JADE1: variants seen among roughly 807,000 people sequenced by gnomAD.
JADE1 encodes jade family PHD finger 1.
JADE1 carries 14 observed loss-of-function variants against 81.8 expected under a neutral mutation model. The observed-to-expected ratio is 0.17, with a 90% CI of 0.11 to 0.27. The LOEUF (loss-of-function observed/expected upper bound fraction) is 0.27. Among genes scored for constraint, JADE1 ranks in the 10% least tolerant of loss-of-function variants. The pLI is 1.00. For missense variants in JADE1, 690 were observed against 1,047.9 expected, an observed-to-expected ratio of 0.66 and a Z score of 4.71; for synonymous variants, 353 against 391.9, an observed-to-expected ratio of 0.90 and a Z score of 1.17.
At chr4:128,810,263 G>C (rs1398716110) in intron 1 of JADE1, 1 of 151,916 alleles carries the variant, frequency 6.6e-6, no homozygotes, top group Non-Finnish European at 1.5e-5. Flanking sequence ...ATGATTTTTG[G>C]ATCCTGAGAA....
chr4:128,860,536 C>T (rs1731232747), intron 8 of JADE1, among the ~76,000 whole-genome samples: 1 of 152,222 alleles, frequency 6.6e-6, no homozygotes, highest in Non-Finnish European at 1.5e-5. Flanking sequence ...CCGCTGGATT[C>T]TACAGCTCTG....
intron 1 of JADE1, among the ~76,000 whole-genome samples, chr4:128,813,085 G>C (rs912932903): frequency 1.3e-5 from 2 of 152,204 alleles, no homozygotes; most frequent in African/African-American, 4.8e-5. Flanking sequence ...TTTTAAGATA[G>C]AGGGAAATTA....
intron 8 of JADE1, among the ~76,000 whole-genome samples, chr4:128,860,568 G>T (rs1419627517): frequency 1.3e-5 from 2 of 152,208 alleles, no homozygotes; most frequent in African/African-American, 4.8e-5. Context: ...GCATGCCCCG[G>T]TGATCACTTG....
chr4:128,827,780 C>G, intron 1 of JADE1: 1 of 667,360 alleles, frequency 1.5e-6, no homozygotes, highest in Non-Finnish European at 1.9e-6. Context: ...GGCAAACCCA[C>G]AGGGCATATG....
intron 2 of JADE1, among the ~76,000 whole-genome samples, chr4:128,838,612 GCTGTAGTATAAATCA>G (rs1729180981): frequency 6.6e-6 from 1 of 152,200 alleles, no homozygotes; most frequent in Non-Finnish European, 1.5e-5. Context: ...GTGATGTTTT[GCTGTAGTATAAATCA>G]CTGACTCCTG....
At chr4:128,863,448 C>G (rs1367310127) in intron 9 of JADE1, 1 of 984,186 alleles carries the variant, frequency 1.0e-6, no homozygotes, top group African/African-American at 1.8e-5. Context: ...CCAAAAAAGC[C>G]TGATCTCATG....
intron 9 of JADE1, chr4:128,862,715 G>C: frequency 9.9e-7 from 1 of 1,006,798 alleles, no homozygotes; most frequent in Non-Finnish European, 1.2e-6. Context: ...AGGAAGCTAA[G>C]CACGGCTGCT....
intron 2 of JADE1, among the ~76,000 whole-genome samples, chr4:128,835,769 C>T (rs909578112): frequency 5.3e-5 from 8 of 152,260 alleles, no homozygotes; most frequent in Non-Finnish European, 8.8e-5. Flanking sequence ...GGCTGCAGCA[C>T]GAGCCACAGC....
chr4:128,863,521 A>G, intron 9 of JADE1: 1 of 985,312 alleles, frequency 1.0e-6, no homozygotes. Context: ...AGCATTAGAG[A>G]TCCTTTTAAT....
rs1732378857 is a variant in JADE1 at position 128,873,779 on chromosome 4, T to C, written c.*1517T>C. On this transcript the variant is annotated 3_prime_UTR_variant, in exon 11 of 11. Transcript: ENST00000226319. ...ATTCATTTATACATCTGTTTCCATA[T>C]GGCAGGGACATTATGATACTTAATG... 2 of 152,566 alleles carry C rather than the reference T, an allele frequency of 1.3e-5. No homozygotes were observed. The highest frequency in any genetic ancestry group is 2.1e-4 in the South Asian group (1 of 4,838). 9.5% of individuals were successfully genotyped at this position (152,566 alleles called of 1,614,324 possible).
intron 8 of JADE1, among the ~76,000 whole-genome samples, chr4:128,859,744 G>T (rs1366721704): frequency 6.6e-6 from 1 of 152,178 alleles, no homozygotes; most frequent in Admixed American, 6.5e-5. Context: ...AGAGGTGGGC[G>T]AATGGGATCT....
intron 2 of JADE1, among the ~76,000 whole-genome samples, chr4:128,833,633 G>T (rs1361193180): frequency 6.6e-6 from 1 of 152,194 alleles, no homozygotes; most frequent in Non-Finnish European, 1.5e-5. Flanking sequence ...GACGGAGGTT[G>T]CAGTGAGCCG....
At chr4:128,812,353 C>T (rs1726520143) in intron 1 of JADE1, among the ~76,000 whole-genome samples, 1 of 151,330 alleles carries the variant, frequency 6.6e-6, no homozygotes, top group South Asian at 2.1e-4. Flanking sequence ...CCGCGCGGAA[C>T]CGCGGCCCTG....
At chr4:128,866,886 A>C (rs1010709959) in intron 9 of JADE1, among the ~76,000 whole-genome samples, 3 of 152,222 alleles carry the variant, frequency 2.0e-5, no homozygotes, top group African/African-American at 7.2e-5. Context: ...CTGTGTTTGC[A>C]GGTCCGTGTA....
chr4:128,863,430 A>G (rs935637564), intron 9 of JADE1: 3 of 984,310 alleles, frequency 3.0e-6, no homozygotes, highest in African/African-American at 3.5e-5. Flanking sequence ...GACCTGGGAA[A>G]CACTGGACCA....
chr4:128,822,634 G>T (rs544293695), intron 1 of JADE1, among the ~76,000 whole-genome samples: 1 of 151,844 alleles, frequency 6.6e-6, no homozygotes, highest in Non-Finnish European at 1.5e-5. Context: ...CAGGAGAATC[G>T]CTTGAACCTG....
chr4:128,835,061 G>C (rs1432396779), intron 2 of JADE1, among the ~76,000 whole-genome samples: 1 of 152,130 alleles, frequency 6.6e-6, no homozygotes, highest in African/African-American at 2.4e-5. Context: ...CACCAAAAGT[G>C]TGTCTGTCAA....
At chr4:128,841,812 G>A (rs1729458843) in intron 2 of JADE1, among the ~76,000 whole-genome samples, 1 of 152,116 alleles carries the variant, frequency 6.6e-6, no homozygotes, top group Non-Finnish European at 1.5e-5. Flanking sequence ...CCATGTTGAT[G>A]GGGTACATGG....
intron 1 of JADE1, among the ~76,000 whole-genome samples, chr4:128,821,996 G>T (rs1414328917): frequency 7.9e-5 from 12 of 152,132 alleles, no homozygotes; most frequent in Non-Finnish European, 1.5e-5. Context: ...GCATTTTATG[G>T]CATTATTACC....
Sources: gnomAD v4.1 joint callset for allele counts (sites outside exome capture counted in the v4.1 genomes callset) on GRCh38, gnomAD v4.1.1 for gene constraint, MANE v1.5 for transcripts, NCBI Gene and HGNC (gene_info 2026-07-23, HGNC 2026-07-21) for gene names.